PTCH1: variants seen among roughly 807,000 people sequenced by gnomAD.
PTCH1 encodes patched 1.
Under a neutral mutation model 144.6 loss-of-function variants are expected in PTCH1, and 14 were observed. The observed-to-expected ratio is 0.10, with a 90% confidence interval of 0.06 to 0.15. The LOEUF (loss-of-function observed/expected upper bound fraction) is 0.15, where lower values mean the gene tolerates loss of function less well. Ranked by LOEUF, PTCH1 falls within the 10% of genes least tolerant of loss-of-function variation. The probability of loss-of-function intolerance (pLI) is 1.00; values close to 1 mark genes in which losing one functional copy is unlikely to be tolerated. For missense variants in PTCH1, 1,623 were observed against 1,948.3 expected (o/e 0.83, Z 3.14); for synonymous variants, 833 against 793.6 (o/e 1.05, Z -0.83).
chr9:95,452,357 A>ACACACACACACACACACAC (rs1564012460), intron 20 of PTCH1: 1 of 145,770 alleles, frequency 6.9e-6, no homozygotes, highest in African/African-American at 2.5e-5. Context: ...ACACACACAC[A>ACACACACACACACACACAC]ACCTCTCAGT....
At chr9:95,506,252 C>G in intron 2 of PTCH1, 155 bp downstream of exon 2, 3 of 894,604 alleles carry the variant, frequency 3.4e-6, no homozygotes, top group Non-Finnish European at 4.9e-6. Context: ...GGGCCTGGCT[C>G]CCGGCCAGGC....
intron 12 of PTCH1, 42 bp from the exon 13 acceptor site, chr9:95,469,973 C>T (rs778717338): frequency 5.0e-6 from 7 of 1,398,334 alleles, no homozygotes; most frequent in South Asian, 4.6e-5. Context: ...AACATGCCTC[C>T]GCCCAATCAG....
chr9:95,476,227 G>C lies in PTCH1; in HGVS notation c.1603-68C>G, dbSNP rs1841025616. On this transcript the variant is annotated intron_variant, in intron 11 of 23. Coordinates refer to ENST00000331920, the MANE Select transcript of PTCH1 (RefSeq NM_000264.5). The surrounding 1 kb of genome is among the most constrained non-coding windows in gnomAD (Gnocchi z 4.6). Reference sequence around the variant, plus strand: ...GGTCCCCTTGGAGCACAGACTGTGTGAGCAGATACGTGGCAGAATAACACA... The same window carrying C: ...GGTCCCCTTGGAGCACAGACTGTGTCAGCAGATACGTGGCAGAATAACACA... 1 of 1,569,448 alleles carries C rather than the reference G, an allele frequency of 6.4e-7. No homozygotes were observed. The highest frequency in any genetic ancestry group is 8.6e-7 in the Non-Finnish European group (1 of 1,160,430).
At chr9:95,482,072 T>C (rs1404690911) in intron 4 of PTCH1, 32 bp from the exon 5 acceptor site, 1 of 1,610,950 alleles carries the variant, frequency 6.2e-7, no homozygotes. Flanking sequence ...GGCCATGCGT[T>C]AGGTTAAGGC....
intron 20 of PTCH1, chr9:95,451,754 A>T (rs996731923): frequency 6.6e-6 from 1 of 152,252 alleles, no homozygotes; most frequent in Admixed American, 6.5e-5. Flanking sequence ...TATGCAAAAG[A>T]AACTCTACTT....
rs1452196145 is a variant in PTCH1, at chr9:95,458,750, A to AG, written c.2888-458dup. ...ATGCTTCTTTTCTAATGCAATGCTAAGTCTTCAGCAACAGGGGAAGAAATC... is the reference window on the plus strand; with the variant it reads ...ATGCTTCTTTTCTAATGCAATGCTAAGGTCTTCAGCAACAGGGGAAGAAATC... On this transcript the variant is annotated intron_variant, in intron 17 of 23. Coordinates refer to ENST00000331920, the MANE Select transcript of PTCH1 (RefSeq NM_000264.5). The surrounding 1 kb of genome is among the most constrained non-coding windows in gnomAD (Gnocchi z 4.7). Among the ~76,000 whole-genome samples, 1 of 152,268 alleles carries AG rather than the reference A, an allele frequency of 6.6e-6. No individual in the cohort carries two copies. Among genetic ancestry groups the AG allele is most frequent in the Non-Finnish European group, 1.5e-5 (1 of 68,040 alleles).
chr9:95,478,607 A>G (rs1841280140), intron 8 of PTCH1, among the ~76,000 whole-genome samples: 1 of 152,200 alleles, frequency 6.6e-6, no homozygotes, highest in Admixed American at 6.5e-5. Context: ...CATGCAGCTC[A>G]GTAGAGGTCA....
chr9:95,458,379 A>G lies in PTCH1; in HGVS notation c.2888-86T>C. On this transcript the variant is annotated intron_variant, in intron 17 of 23. Coordinates refer to ENST00000331920, the MANE Select transcript of PTCH1 (RefSeq NM_000264.5). This position sits in a 1 kb window ranked among gnomAD's most constrained non-coding sequence, Gnocchi z 4.7. ...TGGAAAGAGAGAAGAACTTTGCATG[A>G]AAGCTTACTGACTGCTCTTCTACAT... 2 of 1,494,982 alleles carry G rather than the reference A, an allele frequency of 1.3e-6. No individual in the cohort carries two copies. Among genetic ancestry groups the G allele is most frequent in the Non-Finnish European group, 1.8e-6 (2 of 1,095,364 alleles). 92.6% of individuals were successfully genotyped at this position (1,494,982 alleles called of 1,614,324 possible).
upstream of PTCH1, among the ~76,000 whole-genome samples, chr9:95,510,822 C>T (rs1270142884): frequency 1.3e-5 from 2 of 151,338 alleles, no homozygotes; most frequent in Non-Finnish European, 3.0e-5. Context: ...GCTCCGGTGG[C>T]CACGTGACCC....
Position 95,478,144 on chromosome 9 carries a change from G to T in PTCH1, c.1258C>A (p.Leu420Ile). 1 of 1,614,166 alleles carries T rather than the reference G, an allele frequency of 6.2e-7. No homozygotes were observed. Among genetic ancestry groups the T allele is most frequent in the Non-Finnish European group, 8.5e-7 (1 of 1,180,042 alleles). Residue 420 changes from leucine (L) to isoleucine (I), a missense_variant, in exon 9 of 24, where the codon CTT (leucine) becomes ATT (isoleucine). Leu to Ile is a conservative substitution (Grantham distance 5, BLOSUM62 2). Coordinates refer to ENST00000331920, the MANE Select transcript of PTCH1 (RefSeq NM_000264.5). ...SVAQNSTQKV[L>I]SFTTTTLDDI... ...TCCAGGGTCGTGGTGGTGAAGGAAA[G>T]CACCTTTTGAGTGGAGTTCTGTGCG... is the stretch of plus-strand genomic sequence containing the variant.
In PTCH1 at chr9:95,490,897, GA is replaced by G. The variant is rs573684326; in HGVS notation, c.395-5024del. On this transcript the variant is annotated intron_variant, in intron 2 of 23. Coordinates refer to ENST00000331920, the MANE Select transcript of PTCH1 (RefSeq NM_000264.5). Reference sequence around the variant, plus strand: ...AATGTTCTCAACACAAAAAAATGATGAATGTGTTTGAGGTGATGGACATTCC... The same window carrying G: ...AATGTTCTCAACACAAAAAAATGATGATGTGTTTGAGGTGATGGACATTCC... 1.6e-4 allele frequency among the ~76,000 whole-genome samples: 25 copies of G among 152,256 alleles called. No homozygotes were observed. The East Asian group carries it at 4.6e-3, about 28-fold the overall frequency.
rs1221893400 is a variant in PTCH1 at position 95,458,985 on chromosome 9, C to G, written c.2887+615G>C. On this transcript the variant is annotated intron_variant, in intron 17 of 23. Transcript: ENST00000331920. This position sits in a 1 kb window ranked among gnomAD's most constrained non-coding sequence, Gnocchi z 4.7. ...GTCTCCAGCCATGTTTGCAAGGGGA[C>G]CCGTCTTCTTTCTCACATCCTCCCT... is the stretch of plus-strand genomic sequence containing the variant. Among the ~76,000 whole-genome samples, 1 of 152,210 alleles carries G rather than the reference C, an allele frequency of 6.6e-6. No homozygotes were observed. Among genetic ancestry groups the G allele is most frequent in the Non-Finnish European group, 1.5e-5 (1 of 68,034 alleles).
At chr9:95,495,963 A>T (rs1842759618) in intron 2 of PTCH1, among the ~76,000 whole-genome samples, 1 of 152,078 alleles carries the variant, frequency 6.6e-6, no homozygotes, top group African/African-American at 2.4e-5. Flanking sequence ...TGTTTTATAG[A>T]GCAGTCCCTC....
At chr9:95,468,589 T>C (rs1299994769) in intron 14 of PTCH1, among the ~76,000 whole-genome samples, 162 bp downstream of exon 14, 1 of 152,172 alleles carries the variant, frequency 6.6e-6, no homozygotes, top group Non-Finnish European at 1.5e-5. Flanking sequence ...AATGGCCCTA[T>C]GCTCTAAAAG....
chr9:95,462,932 C>G (rs953492350), intron 15 of PTCH1, among the ~76,000 whole-genome samples: 1 of 152,162 alleles, frequency 6.6e-6, no homozygotes, highest in Non-Finnish European at 1.5e-5. Context: ...AACAGGGCCC[C>G]GGTGACCCGG....
chr9:95,473,156 T>C (rs1163576434), intron 12 of PTCH1, among the ~76,000 whole-genome samples: 4 of 152,222 alleles, frequency 2.6e-5, no homozygotes, highest in Non-Finnish European at 5.9e-5. Context: ...GCCAGTGATT[T>C]CTGGTGTAGA....
At chr9:95,478,824 A>T (rs1841300260) in intron 8 of PTCH1, among the ~76,000 whole-genome samples, 176 bp downstream of exon 8, 3 of 152,268 alleles carry the variant, frequency 2.0e-5, no homozygotes, top group South Asian at 4.1e-4. Context: ...AGTCTTTTAG[A>T]TATTATCCCA....
intron 8 of PTCH1, among the ~76,000 whole-genome samples, chr9:95,478,541 C>T (rs571403533): frequency 5.3e-5 from 8 of 152,306 alleles, no homozygotes; most frequent in African/African-American, 1.9e-4. Flanking sequence ...TCCAAAACAA[C>T]TCATTCTTAT....
Sources: allele counts gnomAD v4.1 joint callset (sites outside exome capture counted in the v4.1 genomes callset), GRCh38; gene constraint gnomAD v4.1.1; non-coding constraint Gnocchi (gnomAD v3.1); transcripts MANE v1.5; gene names NCBI Gene and HGNC (gene_info 2026-07-23, HGNC 2026-07-21).